SLC25A13: variants seen among roughly 807,000 people sequenced by gnomAD.
SLC25A13 encodes the protein solute carrier family 25 member 13.
Under a neutral mutation model 85.5 loss-of-function variants are expected in SLC25A13, and 70 were observed. The ratio of observed to expected loss-of-function variants is 0.82; its 90% CI spans 0.68 to 1.00. The LOEUF (loss-of-function observed/expected upper bound fraction) is 1.00. SLC25A13 is among the 50% of genes least tolerant of loss of function. SLC25A13 has a pLI of 0.00. For synonymous variants in SLC25A13, 259 were observed against 288.7 expected, an observed-to-expected ratio of 0.90 and a Z score of 1.04; for missense variants, 765 against 819.8, an observed-to-expected ratio of 0.93 and a Z score of 0.82.
At chr7:96,178,138 C>T (rs1274212016) in intron 11 of SLC25A13, among the ~76,000 whole-genome samples, 2 of 152,158 alleles carry the variant, frequency 1.3e-5, no homozygotes, top group Non-Finnish European at 2.9e-5. Context: ...CACTGAATGT[C>T]AGAGCCAAGC....
chr7:96,190,131 C>G (rs1358372710), intron 7 of SLC25A13, among the ~76,000 whole-genome samples: 2 of 144,570 alleles, frequency 1.4e-5, no homozygotes, highest in African/African-American at 5.2e-5. Flanking sequence ...GTTGCCCAGG[C>G]TGGAGTGCAG....
chr7:96,169,892 C>T, intron 13 of SLC25A13, 153 bp downstream of exon 13: 1 of 760,610 alleles, frequency 1.3e-6, no homozygotes, highest in Non-Finnish European at 2.3e-6. Flanking sequence ...GAATGGTTCG[C>T]CTGTCTAGGA....
At chr7:96,188,526 A>G (rs960412988) in intron 9 of SLC25A13, among the ~76,000 whole-genome samples, 3 of 152,218 alleles carry the variant, frequency 2.0e-5, no homozygotes, top group African/African-American at 7.2e-5. Flanking sequence ...GGCTCTGCCT[A>G]AAAGGAGAAA....
chr7:96,159,279 C>T (rs1445208877), intron 13 of SLC25A13, among the ~76,000 whole-genome samples: 1 of 152,150 alleles, frequency 6.6e-6, no homozygotes, highest in Non-Finnish European at 1.5e-5. Flanking sequence ...GGCTGAATTG[C>T]GTCTCTCCAA....
intron 5 of SLC25A13, among the ~76,000 whole-genome samples, chr7:96,206,240 T>G (rs1228985336): frequency 1.3e-5 from 2 of 152,214 alleles, no homozygotes; most frequent in East Asian, 1.9e-4. Context: ...CCTTCACAGC[T>G]TTGGCATCAG....
At chr7:96,230,043 T>C (rs1483488809) in intron 4 of SLC25A13, among the ~76,000 whole-genome samples, 1 of 152,200 alleles carries the variant, frequency 6.6e-6, no homozygotes, top group African/African-American at 2.4e-5. Context: ...TGTAAAGCAA[T>C]GTCAAAAGCA....
intron 3 of SLC25A13, among the ~76,000 whole-genome samples, chr7:96,266,655 A>G (rs970428273): frequency 3.9e-5 from 6 of 152,208 alleles, no homozygotes; most frequent in Non-Finnish European, 7.3e-5. Flanking sequence ...ATTTTCTAAT[A>G]CATCAGCAAC....
intron 3 of SLC25A13, among the ~76,000 whole-genome samples, chr7:96,241,030 AAAGAAAGGAAAG>A (rs1796960612): frequency 4.1e-5 from 4 of 97,104 alleles, no homozygotes; most frequent in Non-Finnish European, 6.4e-5. Flanking sequence ...AAAAGAAAAG[AAAGAAAGGAAAG>A]AAAGAAAGAA....
At chr7:96,144,163 G>A (rs1254859990) in intron 14 of SLC25A13, among the ~76,000 whole-genome samples, 3 of 152,168 alleles carry the variant, frequency 2.0e-5, no homozygotes, top group Admixed American at 6.5e-5. Flanking sequence ...GTCTGACCAC[G>A]TAAAGGTGAA....
chr7:96,150,663 T>C (rs563467412), intron 13 of SLC25A13, among the ~76,000 whole-genome samples: 2 of 152,210 alleles, frequency 1.3e-5, no homozygotes, highest in East Asian at 1.9e-4. Flanking sequence ...GACACAGACA[T>C]GTAGGACACA....
chr7:96,283,040 G>A (rs1337236033), intron 2 of SLC25A13, among the ~76,000 whole-genome samples: 1 of 152,134 alleles, frequency 6.6e-6, no homozygotes, highest in Non-Finnish European at 1.5e-5. Context: ...TAACCTTCAT[G>A]AGAGGCAGTC....
Position 96,320,704 on chromosome 7 carries a change from C to CA in SLC25A13, c.15+1237dup, listed in dbSNP as rs549662110. Among the ~76,000 whole-genome samples, 11 of 152,270 alleles carry CA rather than the reference C, an allele frequency of 7.2e-5. No individual in the cohort carries two copies. In the South Asian group the frequency reaches 2.3e-3, roughly 32 times the overall value. ...AGAGTACTTTCCTAAGGATGAAACTCAGAGTAATTACAGAAAAGAGAAATG... is the reference window on the plus strand; with the variant it reads ...AGAGTACTTTCCTAAGGATGAAACTCAAGAGTAATTACAGAAAAGAGAAATG... On this transcript the variant is annotated intron_variant, in intron 1 of 17. Transcript: ENST00000265631.
intron 13 of SLC25A13, among the ~76,000 whole-genome samples, chr7:96,168,497 G>A (rs1011301525): frequency 6.6e-6 from 1 of 151,990 alleles, no homozygotes; most frequent in East Asian, 1.9e-4. Context: ...TGAAATGGGC[G>A]GCCGCATATG....
intron 4 of SLC25A13, among the ~76,000 whole-genome samples, chr7:96,224,310 C>G (rs1024642837): frequency 3.3e-5 from 5 of 152,150 alleles, no homozygotes; most frequent in Non-Finnish European, 5.9e-5. Context: ...TGATCCTATC[C>G]CTGTCCTCCA....
chr7:96,152,904 G>T (rs1303253980), intron 13 of SLC25A13, among the ~76,000 whole-genome samples: 3 of 152,200 alleles, frequency 2.0e-5, no homozygotes, highest in Non-Finnish European at 4.4e-5. Context: ...CGAGAATGCT[G>T]GGGAATGAGA....
intron 5 of SLC25A13, among the ~76,000 whole-genome samples, chr7:96,203,976 G>A (rs1352880633): frequency 2.0e-5 from 3 of 152,164 alleles, no homozygotes; most frequent in Admixed American, 6.5e-5. Flanking sequence ...GAACGGCATC[G>A]TATTCTTGAA....
chr7:96,160,124 T>A lies in SLC25A13; in HGVS notation c.1311+9921A>T, dbSNP rs375671968. 2.6e-5 allele frequency among the ~76,000 whole-genome samples: 4 copies of A among 152,240 alleles called. 1 individual carries two copies. The highest frequency in any genetic ancestry group is 4.1e-4 in the South Asian group (2 of 4,838). ...TTCAATGTCTAAAGTACCTTAACTGTATGAAAGCTATGGCCCAGTCTTTCT... is the reference window on the plus strand; with the variant it reads ...TTCAATGTCTAAAGTACCTTAACTGAATGAAAGCTATGGCCCAGTCTTTCT... On this transcript the variant is annotated intron_variant, in intron 13 of 17. Transcript: ENST00000265631.
intron 3 of SLC25A13, among the ~76,000 whole-genome samples, chr7:96,260,203 T>C (rs1457760289): frequency 6.6e-6 from 1 of 151,580 alleles, no homozygotes; most frequent in Non-Finnish European, 1.5e-5. Flanking sequence ...TAAAATATAA[T>C]AATAATTAAA....
intron 13 of SLC25A13, among the ~76,000 whole-genome samples, chr7:96,164,866 G>A (rs1584397693): frequency 6.6e-6 from 1 of 152,046 alleles, no homozygotes; most frequent in East Asian, 1.9e-4. Flanking sequence ...TTGGTGATTT[G>A]GGAATTATCA....
Sources: allele counts gnomAD v4.1 joint callset (sites outside exome capture counted in the v4.1 genomes callset), GRCh38; gene constraint gnomAD v4.1.1; transcripts MANE v1.5; gene names NCBI Gene and HGNC (gene_info 2026-07-23, HGNC 2026-07-21).